The following DCLK2 variants were observed in gnomAD, a reference collection of about 807,000 sequenced individuals.
DCLK2 encodes the protein doublecortin like kinase 2, also known as serine/threonine-protein kinase DCLK2.
Under a neutral mutation model 78.4 loss-of-function variants are expected in DCLK2, and 31 were observed. The observed-to-expected ratio is 0.40, with a 90% CI of 0.30 to 0.53. The LOEUF is 0.53. Ranked by LOEUF, DCLK2 falls within the 20% of genes least tolerant of loss-of-function variation. The pLI is 0.61. For synonymous variants in DCLK2, 407 were observed against 374.9 expected (o/e 1.09, Z -0.99); for missense variants, 872 against 973.7 (o/e 0.90, Z 1.39).
intron 2 of DCLK2, among the ~76,000 whole-genome samples, chr4:150,173,273 T>C (rs553663837): frequency 1.3e-4 from 20 of 152,258 alleles, no homozygotes; most frequent in African/African-American, 4.3e-4. Flanking sequence ...TAGCATGGGA[T>C]GCAAAAAACC....
At position 150,193,165 on chromosome 4, in the gene DCLK2, G is replaced by T; in HGVS notation, c.784G>T (p.Asp262Tyr). 6.2e-7 allele frequency: 1 copy of T among 1,609,704 alleles called. No homozygotes were observed. Among genetic ancestry groups the T allele is most frequent in the East Asian group, 2.2e-5 (1 of 44,770 alleles). Residue 262 changes from aspartate (D) to tyrosine (Y), a missense_variant, in exon 3 of 16, where the codon GAT becomes TAT. Coordinates refer to ENST00000296550, the MANE Select transcript of DCLK2 (RefSeq NM_001040260.4). ...QVTCLQDFFGDDDVFIACGPE... is the reference protein window; with the variant it reads ...QVTCLQDFFGYDDVFIACGPE... ...TACTTGTCTGCAAGACTTTTTTGGTGATGACGATGTTTTTATTGCATGTGG... is the reference window on the plus strand; with the variant it reads ...TACTTGTCTGCAAGACTTTTTTGGTTATGACGATGTTTTTATTGCATGTGG...
At chr4:150,241,431 C>G (rs115843129) in intron 12 of DCLK2, among the ~76,000 whole-genome samples, 535 of 152,294 alleles carry the variant, frequency 3.5e-3, no homozygotes, top group African/African-American at 0.012. Flanking sequence ...ATGAATTACT[C>G]TGAAGCAGAA....
chr4:150,196,759 A>G (rs1019769435), intron 3 of DCLK2, among the ~76,000 whole-genome samples: 5 of 152,146 alleles, frequency 3.3e-5, no homozygotes, highest in African/African-American at 7.2e-5. Flanking sequence ...TCCAAAACCT[A>G]TGTTTTTCAT....
chr4:150,105,100 A>G (rs978341852), intron 2 of DCLK2, among the ~76,000 whole-genome samples: 4 of 152,160 alleles, frequency 2.6e-5, no homozygotes, highest in African/African-American at 9.7e-5. Flanking sequence ...TACCACACCA[A>G]AAATAAATTC....
intron 15 of DCLK2, chr4:150,254,520 CG>C (rs1744425507): frequency 7.5e-6 from 3 of 398,516 alleles, no homozygotes; most frequent in African/African-American, 4.1e-5. Flanking sequence ...GGAGAAATAA[CG>C]GGGGGATTGT....
chr4:150,095,569 G>C (rs891978468), intron 1 of DCLK2, among the ~76,000 whole-genome samples: 2 of 152,186 alleles, frequency 1.3e-5, no homozygotes, highest in African/African-American at 4.8e-5. Context: ...GTTGAGCAAT[G>C]CTCCTATGAA....
intron 1 of DCLK2, among the ~76,000 whole-genome samples, chr4:150,083,354 A>G (rs946581647): frequency 1.3e-5 from 2 of 152,172 alleles, no homozygotes; most frequent in African/African-American, 4.8e-5. Context: ...GTTTTTTGGC[A>G]TATGAGAGAG....
At chr4:150,242,759 G>C (rs1420904291) in intron 12 of DCLK2, among the ~76,000 whole-genome samples, 1 of 152,192 alleles carries the variant, frequency 6.6e-6, no homozygotes, top group Non-Finnish European at 1.5e-5. Context: ...CCTCACACTT[G>C]ATGTGCCGTT....
intron 15 of DCLK2, among the ~76,000 whole-genome samples, chr4:150,255,035 C>T (rs72951589): frequency 0.021 from 3,215 of 152,298 alleles, 98 homozygotes; most frequent in African/African-American, 0.068. Flanking sequence ...GCAGCCATTC[C>T]ATAGGTGGCC....
intron 8 of DCLK2, among the ~76,000 whole-genome samples, chr4:150,231,716 G>C (rs936902209): frequency 6.6e-6 from 1 of 152,212 alleles, no homozygotes; most frequent in Admixed American, 6.5e-5. Flanking sequence ...AATGAGAATA[G>C]TGGTCCCCGT....
chr4:150,177,819 AC>A (rs1314202264), intron 2 of DCLK2, among the ~76,000 whole-genome samples: 1 of 152,184 alleles, frequency 6.6e-6, no homozygotes, highest in East Asian at 1.9e-4. Context: ...GTGGACACAT[AC>A]CTCTATAATA....
At chr4:150,138,811 G>A (rs554091074) in intron 2 of DCLK2, among the ~76,000 whole-genome samples, 12 of 152,036 alleles carry the variant, frequency 7.9e-5, no homozygotes, top group African/African-American at 1.2e-4. Context: ...GACTACAGGC[G>A]CCTGCCACCA....
chr4:150,081,198 A>C (rs1228089109), intron 1 of DCLK2, among the ~76,000 whole-genome samples: 1 of 152,214 alleles, frequency 6.6e-6, no homozygotes, highest in East Asian at 1.9e-4. Flanking sequence ...ATCCTTCTCT[A>C]AAGAAATTTT....
At chr4:150,203,340 A>G (rs1739587983) in intron 4 of DCLK2, among the ~76,000 whole-genome samples, 1 of 152,210 alleles carries the variant, frequency 6.6e-6, no homozygotes, top group African/African-American at 2.4e-5. Context: ...ATTATGGTGT[A>G]CTTGATTTGG....
chr4:150,121,162 A>G (rs1297990997), intron 2 of DCLK2, among the ~76,000 whole-genome samples: 1 of 152,180 alleles, frequency 6.6e-6, no homozygotes, highest in African/African-American at 2.4e-5. Flanking sequence ...CTGCTGATTG[A>G]TCAGGGTGGT....
rs1043023015 is a variant in DCLK2 at position 150,256,330 on chromosome 4, G to A, written c.*83G>A. 4.2e-6 allele frequency: 6 copies of A among 1,436,022 alleles called. No homozygotes were observed. In the African/African-American group the frequency reaches 5.8e-5, roughly 14 times the overall value. The allele number at this position is 1,436,022 out of a possible 1,614,324, so 89.0% of individuals were successfully genotyped here. On this transcript the variant is annotated 3_prime_UTR_variant, in exon 16 of 16. Coordinates refer to ENST00000296550, the MANE Select transcript of DCLK2 (RefSeq NM_001040260.4). ...GGCCTCGCCGGCCTCCCTGCTGCAG[G>A]CCTCCCTCTCTTCACCGCCTGCGCC... is the stretch of plus-strand genomic sequence containing the variant.
chr4:150,253,618 C>T (rs1427484571), intron 15 of DCLK2: 1 of 1,282,314 alleles, frequency 7.8e-7, no homozygotes, highest in Admixed American at 2.3e-5. Flanking sequence ...CGCCTGCATG[C>T]TTGTCTCAGT....
chr4:150,174,218 G>A (rs918238012), intron 2 of DCLK2, among the ~76,000 whole-genome samples: 1 of 152,134 alleles, frequency 6.6e-6, no homozygotes, highest in African/African-American at 2.4e-5. Flanking sequence ...TTTGATGTAC[G>A]TAGCACTTCC....
At chr4:150,087,406 A>G (rs762875159) in intron 1 of DCLK2, among the ~76,000 whole-genome samples, 5 of 152,356 alleles carry the variant, frequency 3.3e-5, no homozygotes, top group Non-Finnish European at 7.4e-5. Flanking sequence ...ATATGTTTTT[A>G]AAACTTCAGA....
Sources: allele counts gnomAD v4.1 joint callset (sites outside exome capture counted in the v4.1 genomes callset), GRCh38; gene constraint gnomAD v4.1.1; transcripts MANE v1.5; gene names NCBI Gene and HGNC (gene_info 2026-07-23, HGNC 2026-07-21).